CNTNAP2: variants seen among roughly 807,000 people sequenced by gnomAD.
CNTNAP2 encodes the protein contactin-associated protein-like 2.
In CNTNAP2, 98 loss-of-function variants were observed where a neutral mutation model predicts 155.2. That is an observed-to-expected ratio of 0.63 (90% CI 0.54 to 0.75). CNTNAP2 has a LOEUF of 0.75. CNTNAP2 is among the 30% of genes least tolerant of loss of function. The probability of loss-of-function intolerance (pLI) is 0.00; values close to 1 mark genes in which losing one functional copy is unlikely to be tolerated. For synonymous variants in CNTNAP2, 651 were observed against 631.2 expected (o/e 1.03, Z -0.47); for missense variants, 1,727 against 1,688.1 (o/e 1.02, Z -0.40).
chr7:147,168,291 T>A (rs1265479232), intron 8 of CNTNAP2, among the ~76,000 whole-genome samples: 1 of 151,716 alleles, frequency 6.6e-6, no homozygotes, highest in Non-Finnish European at 1.5e-5. Flanking sequence ...TTTCCAGTGA[T>A]GGGTCTTGTC....
intron 3 of CNTNAP2, among the ~76,000 whole-genome samples, chr7:146,932,647 G>T (rs1796801075): frequency 6.6e-6 from 1 of 152,134 alleles, no homozygotes; most frequent in African/African-American, 2.4e-5. Context: ...AAGTCAAATT[G>T]TCCCTGCTTG....
chr7:148,375,321 TATAA>T lies in CNTNAP2; in HGVS notation c.3476-8324_3476-8321del, dbSNP rs760693393. Among the ~76,000 whole-genome samples, 12 of 147,706 alleles carry T rather than the reference TATAA, an allele frequency of 8.1e-5. No individual in the cohort carries two copies. The East Asian group carries it at 1.6e-3, about 19-fold the overall frequency. On this transcript the variant is annotated intron_variant, in intron 21 of 23. Coordinates refer to ENST00000361727, the MANE Select transcript of CNTNAP2 (RefSeq NM_014141.6). The stretch of plus-strand genomic sequence containing the variant: ...AAATATATAAACTATAAATATAAAA[TATAA>T]ATATATATATTTTTATATATATATA...
chr7:147,486,627 A>G (rs1798515780), intron 11 of CNTNAP2, among the ~76,000 whole-genome samples: 1 of 152,216 alleles, frequency 6.6e-6, no homozygotes, highest in Non-Finnish European at 1.5e-5. Flanking sequence ...ATAAAAAGTA[A>G]CATGCAAAAA....
At position 147,974,191 on chromosome 7, in the gene CNTNAP2, C is replaced by T. The variant is rs531498815; in HGVS notation, c.2256-3671C>T. ...ATATGTGAATTCCTATAAGGTTATACACATATCAATTTGGGCAATACAATT... is the reference window on the plus strand; with the variant it reads ...ATATGTGAATTCCTATAAGGTTATATACATATCAATTTGGGCAATACAATT... On this transcript the variant is annotated intron_variant, in intron 14 of 23. Transcript: ENST00000361727. 3.3e-5 allele frequency among the ~76,000 whole-genome samples: 5 copies of T among 149,976 alleles called. 1 individual carries two copies. Among genetic ancestry groups the T allele is most frequent in the African/African-American group, 1.2e-4 (5 of 40,712 alleles).
intron 1 of CNTNAP2, among the ~76,000 whole-genome samples, chr7:146,633,832 GAAAAAA>G (rs60993956): frequency 0.47 from 36,893 of 78,526 alleles, 5,643 homozygotes; most frequent in South Asian, 0.54. Context: ...TGCATCTAGA[GAAAAAA>G]AAAAAAAAAA....
chr7:147,043,308 T>G (rs1240606172), intron 3 of CNTNAP2, among the ~76,000 whole-genome samples: 1 of 152,188 alleles, frequency 6.6e-6, no homozygotes, highest in Non-Finnish European at 1.5e-5. Flanking sequence ...GAACTTTCAG[T>G]ATCAGATAAA....
intron 9 of CNTNAP2, among the ~76,000 whole-genome samples, chr7:147,337,367 A>C (rs576314552): frequency 2.6e-5 from 4 of 152,196 alleles, no homozygotes; most frequent in African/African-American, 9.6e-5. Context: ...GCTGAGCTAA[A>C]GCATTTCAGG....
chr7:147,400,619 G>GT (rs1379699362), intron 10 of CNTNAP2, among the ~76,000 whole-genome samples: 1 of 152,130 alleles, frequency 6.6e-6, no homozygotes, highest in African/African-American at 2.4e-5. Context: ...CCAGAGGAAT[G>GT]TTTTTTACTT....
At position 148,073,658 on chromosome 7, in the gene CNTNAP2, T is replaced by A. The variant is rs142909620; in HGVS notation, c.2384-44460T>A. Among the ~76,000 whole-genome samples, 261 of 152,350 alleles carry A rather than the reference T, an allele frequency of 1.7e-3. 1 individual carries two copies. The highest frequency in any genetic ancestry group is 6.0e-3 in the African/African-American group (248 of 41,590). On this transcript the variant is annotated intron_variant, in intron 15 of 23. Coordinates refer to ENST00000361727, the MANE Select transcript of CNTNAP2 (RefSeq NM_014141.6). ...TTAGTTACTGCTGTTAATATTCTAT[T>A]GTGCCTCATTTATAAATTAAACTTT...
At position 148,256,101 on chromosome 7, in the gene CNTNAP2, G is replaced by A. The variant is rs148724333; in HGVS notation, c.3382-10932G>A. Among the ~76,000 whole-genome samples, 408 of 152,248 alleles carry A rather than the reference G, an allele frequency of 2.7e-3. 1 individual carries two copies. Among genetic ancestry groups the A allele is most frequent in the Non-Finnish European group, 4.4e-3 (302 of 68,020 alleles). On this transcript the variant is annotated intron_variant, in intron 20 of 23. Transcript: ENST00000361727. ...TCTGCCGAGATGTTTTAGTACATAC[G>A]GCAAAGATGGCACTTGTTATACGGT...
chr7:146,670,842 C>T (rs750853518), intron 1 of CNTNAP2, among the ~76,000 whole-genome samples: 51 of 152,126 alleles, frequency 3.4e-4, no homozygotes, highest in Non-Finnish European at 7.2e-4. Context: ...GGCTTTGCTC[C>T]GCCCAGTCTG....
At chr7:146,642,955 T>A (rs867899260) in intron 1 of CNTNAP2, among the ~76,000 whole-genome samples, 3 of 150,994 alleles carry the variant, frequency 2.0e-5, no homozygotes, top group Middle Eastern at 3.4e-3. Flanking sequence ...CATAAATGTC[T>A]TCTTTTGAGA....
At chr7:148,223,386 C>T (rs2116767768) in intron 19 of CNTNAP2, among the ~76,000 whole-genome samples, 1 of 152,310 alleles carries the variant, frequency 6.6e-6, no homozygotes, top group South Asian at 2.1e-4. Flanking sequence ...TGCCTACGAT[C>T]AGTACCCTGT....
At chr7:146,942,721 A>G (rs954963839) in intron 3 of CNTNAP2, among the ~76,000 whole-genome samples, 7 of 152,154 alleles carry the variant, frequency 4.6e-5, no homozygotes, top group Admixed American at 2.6e-4. Flanking sequence ...ACAATTACCT[A>G]TTGACTGAGA....
intron 11 of CNTNAP2, among the ~76,000 whole-genome samples, chr7:147,502,727 GTGTGTGTGTGTGTGTA>G (rs966447244): frequency 1.8e-4 from 23 of 126,128 alleles, no homozygotes; most frequent in African/African-American, 7.1e-4. Flanking sequence ...ATGTGTGTGT[GTGTGTGTGTGTGTGTA>G]TATATATATA....
chr7:147,509,359 T>G (rs1798974590), intron 11 of CNTNAP2, among the ~76,000 whole-genome samples: 3 of 152,210 alleles, frequency 2.0e-5, no homozygotes, highest in Non-Finnish European at 2.9e-5. Flanking sequence ...AGGACAGGAC[T>G]GATGCAATAG....
At chr7:146,758,755 A>G (rs1406635225) in intron 1 of CNTNAP2, among the ~76,000 whole-genome samples, 1 of 152,176 alleles carries the variant, frequency 6.6e-6, no homozygotes, top group East Asian at 1.9e-4. Context: ...AAATTGTGAG[A>G]GTTAAAATTC....
At chr7:147,703,057 A>G (rs1796260328) in intron 13 of CNTNAP2, among the ~76,000 whole-genome samples, 1 of 151,968 alleles carries the variant, frequency 6.6e-6, no homozygotes, top group Admixed American at 6.6e-5. Context: ...TGCCTCCCAC[A>G]CTTGAGGCGC....
chr7:147,492,854 T>C (rs1294817305), intron 11 of CNTNAP2, among the ~76,000 whole-genome samples: 1 of 152,134 alleles, frequency 6.6e-6, no homozygotes, highest in Non-Finnish European at 1.5e-5. Flanking sequence ...CCTCCCCATC[T>C]CTCCGCCCCC....
Sources: allele counts gnomAD v4.1 joint callset (sites outside exome capture counted in the v4.1 genomes callset), GRCh38; gene constraint gnomAD v4.1.1; transcripts MANE v1.5; gene names NCBI Gene and HGNC (gene_info 2026-07-23, HGNC 2026-07-21).